Variants in GLS observed in about 807,000 individuals in gnomAD.
GLS encodes the protein glutaminase kidney isoform, mitochondrial.
A neutral mutation model predicts 86.7 loss-of-function variants in GLS; 36 were observed. The ratio of observed to expected loss-of-function variants is 0.42; its 90% CI spans 0.32 to 0.55. The LOEUF is 0.55. Ranked by LOEUF, GLS falls within the 20% of genes least tolerant of loss-of-function variation. The probability of loss-of-function intolerance (pLI) is 0.17; values close to 1 mark genes in which losing one functional copy is unlikely to be tolerated. For missense variants in GLS, 528 were observed against 833.4 expected, an observed-to-expected ratio of 0.63 and a Z score of 4.51; for synonymous variants, 317 against 305.9, an observed-to-expected ratio of 1.04 and a Z score of -0.38.
intron 6 of GLS, among the ~76,000 whole-genome samples, chr2:190,907,644 T>C (rs557940472): frequency 6.6e-6 from 1 of 152,324 alleles, no homozygotes; most frequent in East Asian, 1.9e-4. Context: ...GCAAACAAGT[T>C]ACTTTATGGA....
At chr2:190,885,636 G>C (rs1369646633) in intron 1 of GLS, among the ~76,000 whole-genome samples, 2 of 152,140 alleles carry the variant, frequency 1.3e-5, no homozygotes, top group East Asian at 3.8e-4. Flanking sequence ...CAAAACCTCT[G>C]TTAAAATGGG....
chr2:190,881,219 C>A lies in GLS; in HGVS notation c.135C>A (p.Ala45=), dbSNP rs551795825. 1,175 of 1,246,470 alleles carry A rather than the reference C, an allele frequency of 9.4e-4. 38 individuals are homozygous for A. In the South Asian group the frequency reaches 0.037, roughly 40 times the overall value. The allele number at this position is 1,246,470 out of a possible 1,614,324, so 77.2% of individuals were successfully genotyped here. The change falls in exon 1 of 18, where the codon GCC becomes GCA. Residue 45 remains alanine, a synonymous_variant. Coordinates refer to ENST00000320717, the MANE Select transcript of GLS (RefSeq NM_014905.5). ...GTCCCCGAGGCGGGGGACGGCCGGC[C>A]GCGGGCCCGGCTGCCGCCGCGCGAC... is the stretch of plus-strand genomic sequence containing the variant. ...CRRPRGGGRP[A]AGPAAAARLH...
intron 17 of GLS, among the ~76,000 whole-genome samples, chr2:190,958,018 C>G (rs1371657770): frequency 6.6e-6 from 1 of 152,144 alleles, no homozygotes; most frequent in Non-Finnish European, 1.5e-5. Context: ...TAGAATTTGG[C>G]TGTGAATCCG....
Position 190,881,015 on chromosome 2 carries a change from C to G in GLS, c.-70C>G. On this transcript the variant is annotated 5_prime_UTR_variant, in exon 1 of 18. Transcript: ENST00000320717. ...CACCGCCCCACCACAGACCGCGTTC[C>G]CCGAGGAAACCGGCCGCCCACGCCC... 6.7e-7 allele frequency: 1 copy of G among 1,491,876 alleles called. No homozygotes were observed. Among genetic ancestry groups the G allele is most frequent in the Non-Finnish European group, 9.0e-7 (1 of 1,115,076 alleles). The allele number at this position is 1,491,876 out of a possible 1,614,324, so 92.4% of individuals were successfully genotyped here. A position where few individuals can be genotyped will look rare whatever the true frequency, so the allele number is the denominator to read the frequency against.
At chr2:190,940,872 A>G (rs1381468775) in intron 14 of GLS, among the ~76,000 whole-genome samples, 1 of 152,052 alleles carries the variant, frequency 6.6e-6, no homozygotes, top group East Asian at 1.9e-4. Context: ...ATAACCTTTA[A>G]AATTATTTTC....
chr2:190,954,345 C>A lies in GLS; in HGVS notation c.1713-239C>A, dbSNP rs1299289086. Among the ~76,000 whole-genome samples, 2 of 151,984 alleles carry A rather than the reference C, an allele frequency of 1.3e-5. No homozygotes were observed. Among genetic ancestry groups the A allele is most frequent in the African/African-American group, 4.8e-5 (2 of 41,344 alleles). On this transcript the variant is annotated intron_variant, in intron 15 of 17. Coordinates refer to ENST00000320717, the MANE Select transcript of GLS (RefSeq NM_014905.5). This position sits in a 1 kb window ranked among gnomAD's most constrained non-coding sequence, Gnocchi z 4.0. ...AACAATAATGTAATAAAGTTTAATT[C>A]TGTGAGAGATGGTTAACATTTAATC...
intron 12 of GLS, 164 bp downstream of exon 12, chr2:190,927,646 A>T: frequency 9.2e-6 from 5 of 543,680 alleles, no homozygotes; most frequent in Non-Finnish European, 1.6e-5. Context: ...AATAGAGATA[A>T]GGTCTACCAG....
At chr2:190,893,999 T>G (rs1391110538) in intron 1 of GLS, among the ~76,000 whole-genome samples, 1 of 152,244 alleles carries the variant, frequency 6.6e-6, no homozygotes, top group Non-Finnish European at 1.5e-5. Context: ...TAAAAAACAT[T>G]TGTGTGACAT....
Position 190,943,442 on chromosome 2 carries a change from A to G in GLS, c.1651-10123A>G, listed in dbSNP as rs1186150641. On this transcript the variant is annotated intron_variant, in intron 14 of 17. Coordinates refer to ENST00000320717, the MANE Select transcript of GLS (RefSeq NM_014905.5). The surrounding 1 kb of genome is among the most constrained non-coding windows in gnomAD (Gnocchi z 4.5). ...GTAAGATAGAGTAGGAGAGGCTTCC[A>G]CTAGGGAAAGGTGGCCAGAGAAGAG... Among the ~76,000 whole-genome samples the G allele has an allele frequency of 1.3e-5, 2 of 152,224 alleles. No individual in the cohort carries two copies. Among genetic ancestry groups the G allele is most frequent in the South Asian group, 4.1e-4 (2 of 4,832 alleles).
At chr2:190,942,310 G>C (rs1690461216) in intron 14 of GLS, among the ~76,000 whole-genome samples, 1 of 151,910 alleles carries the variant, frequency 6.6e-6, no homozygotes, top group Admixed American at 6.6e-5. Context: ...TCGATCTCCT[G>C]ACCTCGTGAT....
At chr2:190,909,442 C>G (rs981371021) in intron 6 of GLS, among the ~76,000 whole-genome samples, 2 of 151,988 alleles carry the variant, frequency 1.3e-5, no homozygotes, top group African/African-American at 4.8e-5. Context: ...AATTATGTGT[C>G]CTTTGACCAA....
rs1454557366 is a variant in GLS, at chr2:190,881,318, G to C, written c.234G>C (p.Glu78Asp). 1 of 1,515,700 alleles carries C rather than the reference G, an allele frequency of 6.6e-7. No homozygotes were observed. Among genetic ancestry groups the C allele is most frequent in the Middle Eastern group, 2.3e-4 (1 of 4,342 alleles). The allele number at this position is 1,515,700 out of a possible 1,614,324, so 93.9% of individuals were successfully genotyped here. ...LARGLSSSPSEILQELGKGST... is the reference protein window; with the variant it reads ...LARGLSSSPSDILQELGKGST... ...GGGGCCTGTCCAGCTCTCCTTCGGA[G>C]ATCTTGCAGGAGCTGGGCAAGGGGA... The change falls in exon 1 of 18, where the codon GAG (glutamate) becomes GAC (aspartate). Residue 78 changes from glutamate to aspartate, a missense_variant. This residue lies in a region of GLS where 224 missense variants were observed against 187.9 expected (regional missense o/e 1.19). Transcript: ENST00000320717.
intron 9 of GLS, among the ~76,000 whole-genome samples, 154 bp from the exon 10 acceptor site, chr2:190,923,763 A>C (rs1689818405): frequency 6.6e-6 from 1 of 152,244 alleles, no homozygotes; most frequent in East Asian, 1.9e-4. Flanking sequence ...CCAAAGTCAC[A>C]CAAATAGCCT....
chr2:190,932,818 AC>A, intron 14 of GLS: 1 of 1,603,536 alleles, frequency 6.2e-7, no homozygotes. Context: ...GGACATCTCT[AC>A]AACTGTAGTA....
chr2:190,933,836 G>A (rs1690186833), intron 14 of GLS: 1 of 747,018 alleles, frequency 1.3e-6, no homozygotes, highest in Admixed American at 6.3e-5. Flanking sequence ...TCTATTTGAA[G>A]TTTTTTAGAG....
At chr2:190,907,654 A>G (rs142491634) in intron 6 of GLS, among the ~76,000 whole-genome samples, 2 of 152,318 alleles carry the variant, frequency 1.3e-5, no homozygotes, top group East Asian at 3.8e-4. Context: ...TACTTTATGG[A>G]GATGTCAGTT....
chr2:190,881,316 G>T lies in GLS; in HGVS notation c.232G>T (p.Glu78Ter). 1 of 1,514,610 alleles carries T rather than the reference G, an allele frequency of 6.6e-7. No homozygotes were observed. 93.8% of individuals were successfully genotyped at this position (1,514,610 alleles called of 1,614,324 possible). Reference protein sequence around the residue: ...LARGLSSSPSEILQELGKGST... With the variant: ...LARGLSSSPS ...GCGGGGCCTGTCCAGCTCTCCTTCG[G>T]AGATCTTGCAGGAGCTGGGCAAGGG... Residue 78 changes from glutamate (E) to a stop codon, truncating the protein, a stop_gained, in exon 1 of 18, where the codon GAG (glutamate) becomes TAG (stop). Coordinates refer to ENST00000320717, the MANE Select transcript of GLS (RefSeq NM_014905.5). LOFTEE classifies it high-confidence loss of function.
rs1019054892 is a variant in GLS at position 190,897,051 on chromosome 2, CAG to C, written c.605+1329_605+1330del. Among the ~76,000 whole-genome samples, 19 of 151,446 alleles carry C rather than the reference CAG, an allele frequency of 1.3e-4. No individual in the cohort carries two copies. Among genetic ancestry groups the C allele is most frequent in the African/African-American group, 4.6e-4 (19 of 41,184 alleles). Reference sequence around the variant, plus strand: ...TTTTACACTTTTTTTTTTTAAGAGACAGAGTCTCATTCTGTCGCCCAGGCTGG... The same window carrying C: ...TTTTACACTTTTTTTTTTTAAGAGACAGTCTCATTCTGTCGCCCAGGCTGG... On this transcript the variant is annotated intron_variant, in intron 3 of 17. Transcript: ENST00000320717. This position sits in a 1 kb window ranked among gnomAD's most constrained non-coding sequence, Gnocchi z 4.3.
At position 190,956,661 on chromosome 2, in the gene GLS, G is replaced by A. The variant is rs1690868568; in HGVS notation, c.1853+1843G>A. On this transcript the variant is annotated intron_variant, in intron 17 of 17. Transcript: ENST00000320717. The surrounding 1 kb of genome is among the most constrained non-coding windows in gnomAD (Gnocchi z 4.2). ...GAAGAAAGTCAATGGTAGCTTTATG[G>A]GGATAGCATAGAACCTATAAATTAC... Among the ~76,000 whole-genome samples, 1 of 152,092 alleles carries A rather than the reference G, an allele frequency of 6.6e-6. No homozygotes were observed. The highest frequency in any genetic ancestry group is 6.6e-5 in the Admixed American group (1 of 15,266).
Sources: allele counts gnomAD v4.1 joint callset (sites outside exome capture counted in the v4.1 genomes callset), GRCh38; gene constraint gnomAD v4.1.1; regional missense constraint gnomAD v4.1.1; non-coding constraint Gnocchi (gnomAD v3.1); transcripts MANE v1.5; gene names NCBI Gene and HGNC (gene_info 2026-07-23, HGNC 2026-07-21).